Variants in PLXNA4 observed in about 807,000 individuals in gnomAD.
PLXNA4 encodes the protein plexin A4, also known as plexin-A4.
A neutral mutation model predicts 191.8 loss-of-function variants in PLXNA4; 44 were observed. The ratio of observed to expected loss-of-function variants is 0.23; its 90% confidence interval spans 0.18 to 0.29. PLXNA4 has a LOEUF of 0.29. PLXNA4 is among the 10% of genes least tolerant of loss of function. The pLI is 1.00. For missense variants in PLXNA4, 1,800 were observed against 2,488.8 expected, an observed-to-expected ratio of 0.72 and a Z score of 5.89; for synonymous variants, 1,082 against 1,009.5, an observed-to-expected ratio of 1.07 and a Z score of -1.36.
At chr7:132,185,603 G>A in intron 15 of PLXNA4, 140 bp from the exon 16 acceptor site, 1 of 1,304,814 alleles carries the variant, frequency 7.7e-7, no homozygotes, top group Non-Finnish European at 1.0e-6. Flanking sequence ...GAAAACTGGA[G>A]AGCCAGTGAC....
intron 3 of PLXNA4, among the ~76,000 whole-genome samples, chr7:132,427,520 G>A (rs1795091954): frequency 6.6e-6 from 1 of 152,148 alleles, no homozygotes; most frequent in Non-Finnish European, 1.5e-5. Context: ...AATTGTGGGG[G>A]CCCTCACCTC....
intron 1 of PLXNA4, among the ~76,000 whole-genome samples, chr7:132,541,076 C>A (rs1800059291): frequency 2.0e-5 from 3 of 152,122 alleles, no homozygotes; most frequent in Non-Finnish European, 2.9e-5. Flanking sequence ...GGAAAAAGTG[C>A]CAGACAGAGA....
chr7:132,166,205 C>T (rs939073636), intron 22 of PLXNA4, among the ~76,000 whole-genome samples: 2 of 151,192 alleles, frequency 1.3e-5, no homozygotes, highest in African/African-American at 4.8e-5. Flanking sequence ...CAAAAACAAA[C>T]GAACAAAGAA....
At chr7:132,482,288 C>T (rs73444827) in intron 3 of PLXNA4, among the ~76,000 whole-genome samples, 4,044 of 152,286 alleles carry the variant, frequency 0.027, 134 homozygotes, top group African/African-American at 0.075. Flanking sequence ...CCTTGCTCAG[C>T]CTCTTTCTCG....
At chr7:132,442,761 T>C (rs1425224351) in intron 3 of PLXNA4, among the ~76,000 whole-genome samples, 1 of 152,210 alleles carries the variant, frequency 6.6e-6, no homozygotes, top group African/African-American at 2.4e-5. Context: ...ATTAAGCAAG[T>C]AACCAAGCTG....
chr7:132,235,412 AGT>A (rs1798665111), intron 5 of PLXNA4, among the ~76,000 whole-genome samples: 1 of 152,242 alleles, frequency 6.6e-6, no homozygotes, highest in African/African-American at 2.4e-5. Context: ...TCTGAAAAGC[AGT>A]GTCTTTCTTG....
chr7:132,290,173 A>G (rs1026175662), intron 4 of PLXNA4, among the ~76,000 whole-genome samples: 11 of 152,214 alleles, frequency 7.2e-5, no homozygotes, highest in African/African-American at 2.4e-4. Flanking sequence ...GAGTCAGTAA[A>G]ACAAAGGACA....
At chr7:132,161,495 G>A (rs1051745110) in intron 24 of PLXNA4, among the ~76,000 whole-genome samples, 4 of 152,222 alleles carry the variant, frequency 2.6e-5, no homozygotes, top group Admixed American at 6.5e-5. Context: ...AAACGCTAAT[G>A]TGAATAGAAG....
chr7:132,202,447 A>G (rs554156044), intron 12 of PLXNA4, among the ~76,000 whole-genome samples, 199 bp downstream of exon 12: 2 of 152,288 alleles, frequency 1.3e-5, no homozygotes, highest in East Asian at 1.9e-4. Context: ...TCGAGCCCCA[A>G]AAAGAGTCTC....
chr7:132,393,930 A>C (rs908184716), intron 3 of PLXNA4, among the ~76,000 whole-genome samples: 3 of 151,564 alleles, frequency 2.0e-5, no homozygotes, highest in African/African-American at 4.9e-5. Flanking sequence ...GACTTATTAG[A>C]GATTCCAGGC....
At chr7:132,187,641 A>C in intron 14 of PLXNA4, 34 bp from the exon 15 acceptor site, 1 of 1,585,858 alleles carries the variant, frequency 6.3e-7, no homozygotes, top group Non-Finnish European at 8.6e-7. Context: ...AGACACAACC[A>C]GGAAGGGGTG....
In PLXNA4 at chr7:132,128,611, GACACACAC is replaced by G. The variant is rs143338003; in HGVS notation, c.*1860_*1867del. The G allele has an allele frequency of 6.6e-6, 1 of 152,016 alleles. No homozygotes were observed. The highest frequency in any genetic ancestry group is 1.5e-5 in the Non-Finnish European group (1 of 68,004). 9.4% of individuals were successfully genotyped at this position (152,016 alleles called of 1,614,324 possible). ...GAGCTTTCCGCCTACACCTGGGGCA[GACACACAC>G]ACACACATACATGTGCTCACACACA... On this transcript the variant is annotated 3_prime_UTR_variant, in exon 32 of 32. Transcript: ENST00000321063.
chr7:132,517,325 G>A (rs1315617814), intron 1 of PLXNA4, among the ~76,000 whole-genome samples: 1 of 152,146 alleles, frequency 6.6e-6, no homozygotes, highest in African/African-American at 2.4e-5. Flanking sequence ...GCCAAAGCAG[G>A]GAAGAAATAA....
At chr7:132,588,754 AAG>A (rs907074233) in intron 2 of PLXNA4, among the ~76,000 whole-genome samples, 3 of 149,128 alleles carry the variant, frequency 2.0e-5, no homozygotes, top group Non-Finnish European at 4.4e-5. Context: ...GAAAGAGAGA[AAG>A]AGAGAAAAAG....
At chr7:132,506,853 C>A (rs1311027667) in intron 2 of PLXNA4, among the ~76,000 whole-genome samples, 3 of 152,368 alleles carry the variant, frequency 2.0e-5, no homozygotes, top group East Asian at 3.9e-4. Flanking sequence ...TTCCAAGGCA[C>A]TGTGCACACA....
chr7:132,646,424 G>A (rs1313366013), intron 1 of PLXNA4, among the ~76,000 whole-genome samples: 1 of 152,094 alleles, frequency 6.6e-6, no homozygotes. Context: ...CCTAATCTCC[G>A]ATGTGGTGGT....
intron 3 of PLXNA4, chr7:132,383,990 G>C (rs550836536): frequency 3.0e-6 from 3 of 985,284 alleles, no homozygotes; most frequent in Admixed American, 6.1e-5. Context: ...TCCCTATGCA[G>C]GTGCACATGG....
At chr7:132,253,415 A>C (rs1298953974) in intron 4 of PLXNA4, among the ~76,000 whole-genome samples, 1 of 151,384 alleles carries the variant, frequency 6.6e-6, no homozygotes, top group African/African-American at 2.4e-5. Flanking sequence ...TCTTTTTTGT[A>C]CTTCTTTTTT....
At chr7:132,486,701 C>T (rs1167014359) in intron 3 of PLXNA4, among the ~76,000 whole-genome samples, 1 of 152,206 alleles carries the variant, frequency 6.6e-6, no homozygotes, top group Non-Finnish European at 1.5e-5. Flanking sequence ...ATAGAATATC[C>T]CAGGTGGCTG....
Sources: allele counts gnomAD v4.1 joint callset (sites outside exome capture counted in the v4.1 genomes callset), GRCh38; gene constraint gnomAD v4.1.1; transcripts MANE v1.5; gene names NCBI Gene and HGNC (gene_info 2026-07-23, HGNC 2026-07-21).